ADCY5: variants seen among roughly 807,000 people sequenced by gnomAD.
ADCY5 encodes adenylate cyclase type 5.
A neutral mutation model predicts 119.7 loss-of-function variants in ADCY5; 30 were observed. The ratio of observed to expected loss-of-function variants is 0.25; its 90% confidence interval spans 0.19 to 0.34. The LOEUF is 0.34. Ranked by LOEUF, ADCY5 falls within the 10% of genes least tolerant of loss-of-function variation. The pLI, the probability that ADCY5 is intolerant of heterozygous loss-of-function variation, is 1.00. For synonymous variants in ADCY5, 753 were observed against 762.2 expected (o/e 0.99, Z 0.20); for missense variants, 1,324 against 1,775.2 (o/e 0.75, Z 4.57).
chr3:123,429,755 G>A (rs1442756863), intron 1 of ADCY5, among the ~76,000 whole-genome samples: 2 of 152,158 alleles, frequency 1.3e-5, no homozygotes, highest in Non-Finnish European at 2.9e-5. Flanking sequence ...CCATCAGGGT[G>A]GCATATCCCA....
intron 1 of ADCY5, among the ~76,000 whole-genome samples, chr3:123,376,296 C>G (rs929212726): frequency 7.1e-6 from 1 of 140,876 alleles, no homozygotes; most frequent in East Asian, 2.2e-4. Context: ...TCCTGCCACG[C>G]TCCAAAGGCC....
At chr3:123,416,065 C>G in intron 1 of ADCY5, 1 of 1,118,332 alleles carries the variant, frequency 8.9e-7, no homozygotes, top group Non-Finnish European at 1.2e-6. Flanking sequence ...CACCTAGGGT[C>G]AGGGGTTACA....
At chr3:123,356,574 T>G (rs1242167821) in intron 1 of ADCY5, among the ~76,000 whole-genome samples, 1 of 152,144 alleles carries the variant, frequency 6.6e-6, no homozygotes, top group African/African-American at 2.4e-5. Context: ...CTCACAATGG[T>G]TCAGAGGCCT....
At chr3:123,370,901 C>T (rs1048811114) in intron 1 of ADCY5, among the ~76,000 whole-genome samples, 1 of 152,018 alleles carries the variant, frequency 6.6e-6, no homozygotes, top group African/African-American at 2.4e-5. Context: ...ACACAGGGCA[C>T]ACAAAGCCAA....
chr3:123,348,014 C>G, intron 2 of ADCY5, 111 bp from the exon 3 acceptor site: 1 of 1,055,298 alleles, frequency 9.5e-7, no homozygotes, highest in South Asian at 1.4e-5. Flanking sequence ...CTCTCAGGCT[C>G]TCCCGGGACT....
In ADCY5 at chr3:123,348,061, G is replaced by GTGTGTGTGTGTGTGTC. The variant is rs1347982680; in HGVS notation, c.1285-159_1285-158insGACACACACACACACA. On this transcript the variant is annotated intron_variant, in intron 2 of 20. Transcript: ENST00000462833. Reference sequence around the variant, plus strand: ...AGTGTGTGTGTGTGTGTGTGTGTGTGTGTCTGTGCATGTGTGTGTATGTGT... The same window carrying GTGTGTGTGTGTGTGTC: ...AGTGTGTGTGTGTGTGTGTGTGTGTGTGTGTGTGTGTGTGTCTGTCTGTGCATGTGTGTGTATGTGT... Among the ~76,000 whole-genome samples the GTGTGTGTGTGTGTGTC allele has an allele frequency of 1.7e-3, 260 of 150,752 alleles. 3 individuals are homozygous for GTGTGTGTGTGTGTGTC. Among genetic ancestry groups the GTGTGTGTGTGTGTGTC allele is most frequent in the African/African-American group, 6.3e-3 (255 of 40,786 alleles).
intron 1 of ADCY5, among the ~76,000 whole-genome samples, chr3:123,371,866 C>T (rs1943653802): frequency 6.6e-6 from 1 of 152,220 alleles, no homozygotes; most frequent in Admixed American, 6.5e-5. Context: ...ATAGCTGGGC[C>T]CTGGGCTGCT....
chr3:123,366,564 C>T (rs886921145), intron 1 of ADCY5, among the ~76,000 whole-genome samples: 17 of 152,108 alleles, frequency 1.1e-4, no homozygotes, highest in Admixed American at 5.2e-4. Context: ...TCAGGTATGA[C>T]GACTGAGGTA....
intron 15 of ADCY5, among the ~76,000 whole-genome samples, chr3:123,299,570 C>A (rs1357539979): frequency 6.6e-6 from 1 of 152,148 alleles, no homozygotes; most frequent in South Asian, 2.1e-4. Flanking sequence ...AGCCATAGGC[C>A]CCACCTTCAC....
intron 7 of ADCY5, among the ~76,000 whole-genome samples, chr3:123,326,479 G>T (rs934955116): frequency 1.3e-5 from 2 of 152,144 alleles, no homozygotes; most frequent in South Asian, 2.1e-4. Flanking sequence ...TTTTTGGACC[G>T]CTTGTCCAGC....
intron 4 of ADCY5, among the ~76,000 whole-genome samples, chr3:123,332,041 G>C (rs951169658): frequency 2.6e-5 from 4 of 152,168 alleles, no homozygotes; most frequent in African/African-American, 9.7e-5. Flanking sequence ...TGAACGTGTC[G>C]TTCACCACTC....
intron 1 of ADCY5, among the ~76,000 whole-genome samples, chr3:123,374,588 T>C (rs965313016): frequency 3.3e-5 from 5 of 152,176 alleles, no homozygotes; most frequent in Admixed American, 1.3e-4. Flanking sequence ...GTAGTGGCAC[T>C]GGAACTTGAA....
intron 1 of ADCY5, among the ~76,000 whole-genome samples, chr3:123,400,541 G>C (rs550020804): frequency 3.9e-5 from 6 of 152,228 alleles, no homozygotes; most frequent in African/African-American, 1.4e-4. Context: ...TAGGAGAATG[G>C]GTAAACTGTG....
chr3:123,307,823 G>A (rs1479714296), intron 12 of ADCY5, among the ~76,000 whole-genome samples: 1 of 151,974 alleles, frequency 6.6e-6, no homozygotes. Context: ...GGTGGTTGGG[G>A]AATAGAGTAT....
rs562418527 is a variant in ADCY5 at position 123,333,472 on chromosome 3, G to A, written c.1407-797C>T. Among the ~76,000 whole-genome samples the A allele has an allele frequency of 2.0e-5, 3 of 152,388 alleles. No homozygotes were observed. In the East Asian group the frequency reaches 5.8e-4, roughly 29 times the overall value. On this transcript the variant is annotated intron_variant, in intron 3 of 20. Coordinates refer to ENST00000462833, the MANE Select transcript of ADCY5 (RefSeq NM_183357.3). ...CTGAGAGGGCTGCCAGCCAGCAAGAGTGCTGGGGGCTCCACGCGGCTGCTG... is the reference window on the plus strand; with the variant it reads ...CTGAGAGGGCTGCCAGCCAGCAAGAATGCTGGGGGCTCCACGCGGCTGCTG...
At chr3:123,299,301 T>A (rs2108243291) in intron 15 of ADCY5, among the ~76,000 whole-genome samples, 1 of 152,332 alleles carries the variant, frequency 6.6e-6, no homozygotes, top group Non-Finnish European at 1.5e-5. Flanking sequence ...GGTGCGTGTG[T>A]CTTCCTGGCC....
At chr3:123,350,274 C>A (rs1311421320) in intron 2 of ADCY5, among the ~76,000 whole-genome samples, 1 of 152,190 alleles carries the variant, frequency 6.6e-6, no homozygotes, top group Non-Finnish European at 1.5e-5. Flanking sequence ...ACCTTGGGGA[C>A]CGGAGCTGCG....
chr3:123,332,985 C>T (rs2108413764), intron 3 of ADCY5, among the ~76,000 whole-genome samples: 1 of 151,762 alleles, frequency 6.6e-6, no homozygotes, highest in South Asian at 2.1e-4. Flanking sequence ...TCTCAAACTC[C>T]TGGGCTCAAG....
At chr3:123,383,048 C>T (rs1294357268) in intron 1 of ADCY5, among the ~76,000 whole-genome samples, 1 of 152,158 alleles carries the variant, frequency 6.6e-6, no homozygotes, top group Non-Finnish European at 1.5e-5. Flanking sequence ...TCCCCCACCC[C>T]CACCCCATGG....
Sources: gnomAD v4.1 joint callset for allele counts (sites outside exome capture counted in the v4.1 genomes callset) on GRCh38, gnomAD v4.1.1 for gene constraint, MANE v1.5 for transcripts, NCBI Gene and HGNC (gene_info 2026-07-23, HGNC 2026-07-21) for gene names.